Variants in CDH13 observed in about 807,000 individuals in gnomAD.
CDH13 encodes cadherin-13.
In CDH13, 24 loss-of-function variants were observed where a neutral mutation model predicts 63.8. The observed-to-expected ratio is 0.38, with a 90% CI of 0.27 to 0.53. The LOEUF is 0.53. Among genes scored for constraint, CDH13 ranks in the 20% least tolerant of loss-of-function variants. The pLI is 0.85. For synonymous variants in CDH13, 503 were observed against 355.3 expected, an observed-to-expected ratio of 1.42 and a Z score of -4.67; for missense variants, 1,049 against 903.1, an observed-to-expected ratio of 1.16 and a Z score of -2.07.
chr16:83,145,176 C>A (rs925418845), intron 4 of CDH13, among the ~76,000 whole-genome samples: 1 of 152,156 alleles, frequency 6.6e-6, no homozygotes, highest in Admixed American at 6.6e-5. Flanking sequence ...GCTTTAATTA[C>A]AGTGATGAGC....
intron 2 of CDH13, among the ~76,000 whole-genome samples, chr16:82,930,501 G>C (rs1239225694): frequency 6.6e-6 from 1 of 152,118 alleles, no homozygotes; most frequent in East Asian, 1.9e-4. Flanking sequence ...TTTGTATACG[G>C]ATGCCAAATA....
intron 2 of CDH13, among the ~76,000 whole-genome samples, chr16:82,955,163 A>T (rs1047978903): frequency 1.3e-5 from 2 of 152,178 alleles, no homozygotes; most frequent in Non-Finnish European, 2.9e-5. Context: ...CGGCAACTCT[A>T]TTTTTAACCT....
chr16:83,682,495 T>A lies in CDH13; in HGVS notation c.1538+4034T>A, dbSNP rs1915487910. On this transcript the variant is annotated intron_variant, in intron 10 of 13. Coordinates refer to ENST00000567109, the MANE Select transcript of CDH13 (RefSeq NM_001257.5). ...AGGTAAAATTAAAATGTGCATGTTC[T>A]GTAGAGGGGAAAGTCGCCACTGAAG... is the stretch of plus-strand genomic sequence containing the variant. 2.6e-5 allele frequency among the ~76,000 whole-genome samples: 4 copies of A among 152,290 alleles called. No individual in the cohort carries two copies. The South Asian group carries it at 8.3e-4, about 32-fold the overall frequency.
At chr16:83,150,968 C>T (rs1301842529) in intron 4 of CDH13, among the ~76,000 whole-genome samples, 48 of 152,120 alleles carry the variant, frequency 3.2e-4, no homozygotes, top group Admixed American at 3.1e-3. Context: ...CTTTTTTTTA[C>T]ATTCCCAGTG....
rs148976302 is a variant in CDH13 at position 83,665,325 on chromosome 16, G to A, written c.1102-5465G>A. Among the ~76,000 whole-genome samples the A allele has an allele frequency of 1.8e-4, 27 of 152,220 alleles. No homozygotes were observed. In the East Asian group the frequency reaches 4.2e-3, roughly 24 times the overall value. ...TAGTAAGAATTTCATATGATACAGG[G>A]CAAAATCCATCATCATTATCCTTGC... On this transcript the variant is annotated intron_variant, in intron 8 of 13. Transcript: ENST00000567109.
chr16:83,616,589 C>A (rs943392730), intron 8 of CDH13, among the ~76,000 whole-genome samples: 7 of 152,038 alleles, frequency 4.6e-5, no homozygotes, highest in Middle Eastern at 3.2e-3. Context: ...CTAAGAGCAA[C>A]AACCACAAAG....
intron 11 of CDH13, among the ~76,000 whole-genome samples, chr16:83,776,892 G>A (rs897319012): frequency 4.6e-5 from 7 of 152,180 alleles, no homozygotes; most frequent in African/African-American, 1.4e-4. Flanking sequence ...TGTTAGAGAA[G>A]TTTCAAAGCC....
chr16:83,446,567 G>T (rs181205634), intron 6 of CDH13, among the ~76,000 whole-genome samples: 56 of 152,264 alleles, frequency 3.7e-4, no homozygotes, highest in African/African-American at 1.2e-3. Context: ...AACAATGGAA[G>T]AAAAACCACA....
intron 1 of CDH13, among the ~76,000 whole-genome samples, chr16:82,837,287 T>C (rs1157118212): frequency 6.6e-6 from 1 of 152,152 alleles, no homozygotes; most frequent in Non-Finnish European, 1.5e-5. Context: ...AGAGCTTGCC[T>C]ACCTCAGAGG....
chr16:82,967,754 C>G (rs1054650633), intron 2 of CDH13, among the ~76,000 whole-genome samples: 1 of 152,212 alleles, frequency 6.6e-6, no homozygotes, highest in Non-Finnish European at 1.5e-5. Context: ...TGCTTTGTAT[C>G]AGGCAGCATG....
chr16:83,325,347 A>G (rs958739733), intron 5 of CDH13, among the ~76,000 whole-genome samples: 3 of 152,200 alleles, frequency 2.0e-5, no homozygotes, highest in African/African-American at 4.8e-5. Context: ...TCAGGTTGCC[A>G]CGTTGGGTTT....
At chr16:83,584,486 A>T (rs796762601) in intron 7 of CDH13, among the ~76,000 whole-genome samples, 1 of 152,200 alleles carries the variant, frequency 6.6e-6, no homozygotes, top group Non-Finnish European at 1.5e-5. Context: ...TGGAAATTTT[A>T]GTAAAGGCTT....
intron 2 of CDH13, among the ~76,000 whole-genome samples, chr16:82,966,744 C>T (rs1907895305): frequency 6.6e-6 from 1 of 151,990 alleles, no homozygotes; most frequent in Non-Finnish European, 1.5e-5. Flanking sequence ...TTAATGATTC[C>T]TCCCTCCCCC....
At chr16:83,543,853 A>G (rs1257799710) in intron 7 of CDH13, among the ~76,000 whole-genome samples, 1 of 152,120 alleles carries the variant, frequency 6.6e-6, no homozygotes, top group Non-Finnish European at 1.5e-5. Flanking sequence ...GCGTAGATAA[A>G]CCCTGACCTA....
chr16:82,970,001 G>A (rs939814362), intron 2 of CDH13, among the ~76,000 whole-genome samples: 4 of 150,246 alleles, frequency 2.7e-5, no homozygotes, highest in Non-Finnish European at 5.9e-5. Flanking sequence ...GGTTTCTTAC[G>A]TAGGTATACA....
chr16:83,026,501 C>G (rs931901969), intron 2 of CDH13, among the ~76,000 whole-genome samples: 1 of 151,624 alleles, frequency 6.6e-6, no homozygotes, highest in Admixed American at 6.6e-5. Flanking sequence ...GGTGGGGGGA[C>G]AAAAATTGCA....
chr16:83,021,477 G>A (rs1005433555), intron 2 of CDH13, among the ~76,000 whole-genome samples: 2 of 152,182 alleles, frequency 1.3e-5, no homozygotes, highest in Admixed American at 6.5e-5. Context: ...CAAAGCTAAC[G>A]GCTCAGTTTT....
chr16:82,979,861 G>GA (rs1335735272), intron 2 of CDH13, among the ~76,000 whole-genome samples: 6 of 152,262 alleles, frequency 3.9e-5, no homozygotes, highest in African/African-American at 1.4e-4. Context: ...ACAGTCATTA[G>GA]AAAAAACTGG....
intron 8 of CDH13, among the ~76,000 whole-genome samples, chr16:83,607,166 C>T (rs747943012): frequency 6.6e-6 from 1 of 152,110 alleles, no homozygotes; most frequent in Admixed American, 6.5e-5. Flanking sequence ...ACCTGTAATC[C>T]CAGCACTCCG....
Sources: allele counts gnomAD v4.1 joint callset (sites outside exome capture counted in the v4.1 genomes callset), GRCh38; gene constraint gnomAD v4.1.1; transcripts MANE v1.5; gene names NCBI Gene and HGNC (gene_info 2026-07-23, HGNC 2026-07-21).